CEP63: variants seen among roughly 807,000 people sequenced by gnomAD.
CEP63 encodes the protein centrosomal protein 63, also known as centrosomal protein of 63 kDa.
CEP63 carries 84 observed loss-of-function variants against 89.1 expected under a neutral mutation model. The observed-to-expected ratio is 0.94, with a 90% CI of 0.79 to 1.13. The LOEUF (loss-of-function observed/expected upper bound fraction) is 1.13, where lower values mean the gene tolerates loss of function less well. Ranked by LOEUF, CEP63 falls within the 50% of genes most tolerant of loss-of-function variation. CEP63 has a pLI of 0.00. For missense variants in CEP63, 838 were observed against 813.3 expected (o/e 1.03, Z -0.37); for synonymous variants, 267 against 272.5 (o/e 0.98, Z 0.20).
chr3:134,607,678 C>T, the CEP63 span: 397 of 985,762 alleles, frequency 4.0e-4, 2 homozygotes, highest in African/African-American at 6.6e-3. Context: ...TCTGGCCCTC[C>T]AGGGCAGCCC....
the CEP63 span, among the ~76,000 whole-genome samples, chr3:134,668,729 A>G: frequency 6.6e-6 from 1 of 152,160 alleles, no homozygotes; most frequent in African/African-American, 2.4e-5. Context: ...CAGGTTGACT[A>G]CCACTCACAT....
At chr3:134,503,250 C>A (rs79293590) in intron 2 of CEP63, among the ~76,000 whole-genome samples, 2,458 of 151,786 alleles carry the variant, frequency 0.016, 56 homozygotes, top group African/African-American at 0.055. Flanking sequence ...TTTTGCATTT[C>A]TTTTTTAATT....
At chr3:134,555,220 G>A (rs1382134726) in intron 12 of CEP63, among the ~76,000 whole-genome samples, 3 of 151,996 alleles carry the variant, frequency 2.0e-5, no homozygotes, top group Non-Finnish European at 4.4e-5. Context: ...CACAAGACAG[G>A]GATGCCCTCT....
At chr3:134,643,814 T>C in the CEP63 span, among the ~76,000 whole-genome samples, 2 of 150,156 alleles carry the variant, frequency 1.3e-5, no homozygotes, top group Admixed American at 6.7e-5. Flanking sequence ...TGACTCCCAG[T>C]TGAGTCTCCT....
At chr3:134,652,669 C>T in the CEP63 span, among the ~76,000 whole-genome samples, 1 of 152,042 alleles carries the variant, frequency 6.6e-6, no homozygotes, top group Non-Finnish European at 1.5e-5. Flanking sequence ...CGCGCGCGCA[C>T]ACCTGGGAGG....
the CEP63 span, among the ~76,000 whole-genome samples, chr3:134,696,630 T>C: frequency 6.6e-6 from 1 of 152,156 alleles, no homozygotes; most frequent in South Asian, 2.1e-4. Context: ...AACTAAGCAT[T>C]GGTGGTATTA....
the CEP63 span, among the ~76,000 whole-genome samples, chr3:134,768,191 A>G: frequency 1.3e-5 from 2 of 152,212 alleles, no homozygotes; most frequent in South Asian, 2.1e-4. Context: ...GCTCAGAAAT[A>G]GGCAGGGACA....
chr3:134,505,494 C>G (rs1576844146), intron 2 of CEP63, among the ~76,000 whole-genome samples: 1 of 152,148 alleles, frequency 6.6e-6, no homozygotes. Context: ...ACGTACCAGA[C>G]AGTGATGCCA....
chr3:134,493,935 G>A (rs1399320750), intron 1 of CEP63, among the ~76,000 whole-genome samples: 1 of 152,124 alleles, frequency 6.6e-6, no homozygotes, highest in African/African-American at 2.4e-5. Flanking sequence ...TAAGGAAAAA[G>A]CATTTTGGAA....
chr3:134,654,254 C>T, the CEP63 span, among the ~76,000 whole-genome samples: 5 of 152,260 alleles, frequency 3.3e-5, no homozygotes, highest in East Asian at 7.7e-4. Context: ...GGGCTTGCTC[C>T]TGGCAGTTGA....
chr3:134,773,623 C>T, the CEP63 span, among the ~76,000 whole-genome samples: 3 of 152,246 alleles, frequency 2.0e-5, no homozygotes, highest in South Asian at 6.2e-4. Flanking sequence ...GCCATTTCTC[C>T]AACCTCATGT....
chr3:134,509,196 G>A (rs1275396133), intron 3 of CEP63, among the ~76,000 whole-genome samples: 5 of 152,292 alleles, frequency 3.3e-5, no homozygotes, highest in Admixed American at 2.0e-4. Context: ...AGTTGCTTCT[G>A]GGGAGGCCCC....
downstream of CEP63, among the ~76,000 whole-genome samples, chr3:134,578,317 C>T (rs1214010716): frequency 5.7e-5 from 5 of 87,440 alleles, no homozygotes; most frequent in African/African-American, 9.0e-5. Context: ...GTCATTCTGA[C>T]TTGTGTTTTT....
At chr3:134,777,050 T>C in the CEP63 span, among the ~76,000 whole-genome samples, 3 of 152,200 alleles carry the variant, frequency 2.0e-5, no homozygotes, top group Non-Finnish European at 4.4e-5. Context: ...TCTAATTTTT[T>C]AAAAGGAAGA....
the CEP63 span, among the ~76,000 whole-genome samples, chr3:134,740,511 A>G: frequency 6.6e-6 from 1 of 151,998 alleles, no homozygotes; most frequent in African/African-American, 2.4e-5. Flanking sequence ...GTTAGCCAGG[A>G]TGGTCTCGAT....
At chr3:134,491,844 C>A (rs1559851877) in intron 1 of CEP63, among the ~76,000 whole-genome samples, 1 of 152,060 alleles carries the variant, frequency 6.6e-6, no homozygotes, top group South Asian at 2.1e-4. Flanking sequence ...TTAGGCATAT[C>A]CCTTCTCTTA....
intron 3 of CEP63, among the ~76,000 whole-genome samples, chr3:134,521,428 A>G (rs1427228646): frequency 1.0e-5 from 1 of 98,382 alleles, no homozygotes; most frequent in Non-Finnish European, 2.0e-5. Context: ...ATTTTTTCCC[A>G]TGGGTATTCT....
chr3:134,489,200 T>C (rs977966783), intron 1 of CEP63, among the ~76,000 whole-genome samples: 4 of 152,038 alleles, frequency 2.6e-5, no homozygotes, highest in Non-Finnish European at 5.9e-5. Context: ...TAACTTGCAT[T>C]AGCCACATTT....
the CEP63 span, among the ~76,000 whole-genome samples, chr3:134,693,955 G>A: frequency 6.6e-6 from 1 of 152,204 alleles, no homozygotes; most frequent in African/African-American, 2.4e-5. Flanking sequence ...TCAGGGATCT[G>A]AGTGGAAGGC....
Sources: allele counts gnomAD v4.1 joint callset (sites outside exome capture counted in the v4.1 genomes callset), GRCh38; gene constraint gnomAD v4.1.1; transcripts MANE v1.5; gene names NCBI Gene and HGNC (gene_info 2026-07-23, HGNC 2026-07-21).